The following BABAM2 variants were observed in gnomAD, a reference collection of about 807,000 sequenced individuals.
The protein encoded by BABAM2 is BRISC and BRCA1-A complex member 2.
Under a neutral mutation model 54.7 loss-of-function variants are expected in BABAM2, and 31 were observed. That is an observed-to-expected ratio of 0.57 (90% confidence interval 0.43 to 0.77). The LOEUF (loss-of-function observed/expected upper bound fraction) is 0.77, where lower values mean the gene tolerates loss of function less well. Ranked by LOEUF, BABAM2 falls within the 30% of genes least tolerant of loss-of-function variation. BABAM2 has a pLI of 0.00. For missense variants in BABAM2, 364 were observed against 455.8 expected, an observed-to-expected ratio of 0.80 and a Z score of 1.83; for synonymous variants, 167 against 162.9, an observed-to-expected ratio of 1.03 and a Z score of -0.19.
intron 6 of BABAM2, among the ~76,000 whole-genome samples, chr2:28,096,255 T>C (rs1296735177): frequency 6.6e-6 from 1 of 152,080 alleles, no homozygotes; most frequent in Admixed American, 6.5e-5. Context: ...CTGTCTAAAA[T>C]GCCATTGTTT....
At chr2:27,992,992 T>G (rs187791326) in intron 4 of BABAM2, among the ~76,000 whole-genome samples, 2 of 152,372 alleles carry the variant, frequency 1.3e-5, no homozygotes, top group Admixed American at 1.3e-4. Context: ...AATACTCTCC[T>G]CAGTACATTC....
At chr2:28,011,092 C>G (rs985264235) in intron 4 of BABAM2, among the ~76,000 whole-genome samples, 3 of 152,114 alleles carry the variant, frequency 2.0e-5, no homozygotes, top group Admixed American at 2.0e-4. Flanking sequence ...CCACTCAAAA[C>G]TTATGCCTGA....
chr2:28,009,926 A>G (rs775981952), intron 4 of BABAM2, among the ~76,000 whole-genome samples: 16 of 152,160 alleles, frequency 1.1e-4, no homozygotes, highest in Non-Finnish European at 2.2e-4. Flanking sequence ...CAGCTTGTAC[A>G]TACTGAATAT....
At chr2:28,320,467 G>A (rs1410972210) in intron 11 of BABAM2, among the ~76,000 whole-genome samples, 1 of 152,256 alleles carries the variant, frequency 6.6e-6, no homozygotes, top group Admixed American at 6.5e-5. Flanking sequence ...GCCCAGTGAA[G>A]TCAACCTGGA....
intron 6 of BABAM2, among the ~76,000 whole-genome samples, chr2:28,101,237 A>T (rs1269140977): frequency 6.6e-6 from 1 of 152,184 alleles, no homozygotes; most frequent in East Asian, 1.9e-4. Context: ...AAAGTCTGTG[A>T]TCTTTCTACT....
At chr2:28,335,048 C>G (rs1691307150) in intron 11 of BABAM2, among the ~76,000 whole-genome samples, 1 of 151,950 alleles carries the variant, frequency 6.6e-6, no homozygotes, top group South Asian at 2.1e-4. Flanking sequence ...CTTTTTCTTA[C>G]TAACTGTTGG....
rs148298182 is a variant in BABAM2 at position 27,936,042 on chromosome 2, C to G, written c.205+6134C>G. The stretch of plus-strand genomic sequence containing the variant: ...CAGGCGATTCTTCTGCCTCAGCCTC[C>G]TAAGTAGCTGGGATTACAGGTGCAC... On this transcript the variant is annotated intron_variant, in intron 3 of 11. Coordinates refer to ENST00000379624, the MANE Select transcript of BABAM2 (RefSeq NM_199191.3). 7.7e-3 allele frequency among the ~76,000 whole-genome samples: 1,165 copies of G among 152,266 alleles called. 15 individuals carry two copies. The highest frequency in any genetic ancestry group is 0.013 in the Non-Finnish European group (888 of 68,014).
chr2:28,335,154 C>CTTT lies in BABAM2; in HGVS notation c.1089-3271_1089-3269dup, dbSNP rs56135926. ...CTGGAGCTGCTGTCTCTCCCACCTT[C>CTTT]TTTTTTTTTTTTTTTTTTTTTTTTT... On this transcript the variant is annotated intron_variant, in intron 11 of 11. Coordinates refer to ENST00000379624, the MANE Select transcript of BABAM2 (RefSeq NM_199191.3). 3.2e-3 allele frequency among the ~76,000 whole-genome samples: 232 copies of CTTT among 71,502 alleles called. 24 individuals carry two copies. The highest frequency in any genetic ancestry group is 0.013 in the African/African-American group (219 of 16,446). 46.9% of individuals were successfully genotyped at this position (71,502 alleles called of 152,430 possible). A position where few individuals can be genotyped will look rare whatever the true frequency, so the allele number is the denominator to read the frequency against.
At chr2:28,327,277 A>C in intron 11 of BABAM2, 1 of 1,600,308 alleles carries the variant, frequency 6.2e-7, no homozygotes, top group Non-Finnish European at 8.5e-7. Context: ...GCACCAGGGG[A>C]TGCCAAGGGA....
At chr2:28,301,669 C>T (rs1363367326) in intron 11 of BABAM2, among the ~76,000 whole-genome samples, 2 of 152,194 alleles carry the variant, frequency 1.3e-5, no homozygotes, top group Non-Finnish European at 2.9e-5. Context: ...CATCCTTCAA[C>T]CTTCTCCCAT....
Position 28,002,060 on chromosome 2 carries a change from T to TTA in BABAM2, c.300+13973_300+13974insTA, listed in dbSNP as rs1553409728. Among the ~76,000 whole-genome samples the TTA allele has an allele frequency of 2.5e-3, 353 of 140,084 alleles. 1 individual carries two copies. The highest frequency in any genetic ancestry group is 4.4e-3 in the Non-Finnish European group (285 of 65,160). The allele number at this position is 140,084 out of a possible 152,430, so 91.9% of individuals were successfully genotyped here. A position where few individuals can be genotyped will look rare whatever the true frequency, so the allele number is the denominator to read the frequency against. ...GTGACAGAAAATACAATCAAACAGG[T>TTA]AAAAAAAAAAAAAAAAGGAATTTAT... On this transcript the variant is annotated intron_variant, in intron 4 of 11. Transcript: ENST00000379624.
At chr2:27,962,856 G>A (rs1670569309) in intron 3 of BABAM2, among the ~76,000 whole-genome samples, 1 of 152,224 alleles carries the variant, frequency 6.6e-6, no homozygotes, top group East Asian at 1.9e-4. Flanking sequence ...AGTGTTCTTG[G>A]TAAATGCATA....
At chr2:28,051,148 G>C (rs1042797024) in intron 6 of BABAM2, among the ~76,000 whole-genome samples, 6 of 152,138 alleles carry the variant, frequency 3.9e-5, no homozygotes, top group African/African-American at 7.2e-5. Flanking sequence ...AAAATGAGTA[G>C]TACTTACTTG....
chr2:27,938,173 A>G (rs1276613047), intron 3 of BABAM2, among the ~76,000 whole-genome samples: 2 of 152,176 alleles, frequency 1.3e-5, no homozygotes, highest in South Asian at 4.1e-4. Context: ...AATCTATTGT[A>G]TACAAGATCA....
At chr2:28,203,602 A>G (rs1259275040) in intron 7 of BABAM2, among the ~76,000 whole-genome samples, 1 of 152,152 alleles carries the variant, frequency 6.6e-6, no homozygotes, top group Non-Finnish European at 1.5e-5. Flanking sequence ...TTATTTATTT[A>G]TATGCCCTTA....
rs571146240 is a variant in BABAM2, at chr2:28,222,708, A to G, written c.681-14494A>G. Among the ~76,000 whole-genome samples the G allele has an allele frequency of 4.0e-4, 61 of 152,364 alleles. 1 individual carries two copies. In the Middle Eastern group the frequency reaches 0.014, roughly 34 times the overall value. ...AAAAGTTATTAGGCCAACCTCAATT[A>G]TATTTGGCCAATTAAATTGGCATTG... On this transcript the variant is annotated intron_variant, in intron 7 of 11. Transcript: ENST00000379624.
chr2:27,966,392 G>C (rs987332523), intron 3 of BABAM2, among the ~76,000 whole-genome samples: 1 of 151,544 alleles, frequency 6.6e-6, no homozygotes, highest in Non-Finnish European at 1.5e-5. Flanking sequence ...AACTTGATTT[G>C]TTAATATATC....
intron 7 of BABAM2, among the ~76,000 whole-genome samples, chr2:28,229,842 C>T (rs1354397544): frequency 6.6e-6 from 1 of 152,196 alleles, no homozygotes; most frequent in Non-Finnish European, 1.5e-5. Context: ...CTGCCTTGGC[C>T]TCCCAAAGTG....
At chr2:28,139,772 C>A (rs1028081555) in intron 7 of BABAM2, among the ~76,000 whole-genome samples, 10 of 152,122 alleles carry the variant, frequency 6.6e-5, no homozygotes, top group South Asian at 4.2e-4. Flanking sequence ...AGCTGTGTAG[C>A]TGTTGAAATG....
Sources: allele counts gnomAD v4.1 joint callset (sites outside exome capture counted in the v4.1 genomes callset), GRCh38; gene constraint gnomAD v4.1.1; transcripts MANE v1.5; gene names NCBI Gene and HGNC (gene_info 2026-07-23, HGNC 2026-07-21).